Variants in PTPRO observed in about 807,000 individuals in gnomAD.
PTPRO encodes the protein protein tyrosine phosphatase receptor type O, also known as receptor-type tyrosine-protein phosphatase O.
Under a neutral mutation model 145.2 loss-of-function variants are expected in PTPRO, and 62 were observed. The observed-to-expected ratio is 0.43, with a 90% CI of 0.35 to 0.53. PTPRO has a LOEUF of 0.53. Among genes scored for constraint, PTPRO ranks in the 20% least tolerant of loss-of-function variants. The probability of loss-of-function intolerance (pLI) is 0.01; values close to 1 mark genes in which losing one functional copy is unlikely to be tolerated. For synonymous variants in PTPRO, 565 were observed against 514.7 expected, an observed-to-expected ratio of 1.10 and a Z score of -1.32; for missense variants, 1,345 against 1,482.7, an observed-to-expected ratio of 0.91 and a Z score of 1.53.
chr12:15,497,936 A>G (rs748064913), intron 3 of PTPRO, among the ~76,000 whole-genome samples: 10 of 152,180 alleles, frequency 6.6e-5, no homozygotes, highest in Non-Finnish European at 1.3e-4. Context: ...AGCCCAGGAG[A>G]AGTAATATTT....
At chr12:15,362,117 A>G (rs1938229547) in intron 1 of PTPRO, among the ~76,000 whole-genome samples, 1 of 152,196 alleles carries the variant, frequency 6.6e-6, no homozygotes, top group African/African-American at 2.4e-5. Flanking sequence ...GTTAGCACAA[A>G]CTAACCCATA....
intron 1 of PTPRO, among the ~76,000 whole-genome samples, chr12:15,441,721 A>G (rs1940771220): frequency 6.6e-6 from 1 of 152,158 alleles, no homozygotes; most frequent in South Asian, 2.1e-4. Context: ...ACCATTATGA[A>G]CCTCTCTACA....
intron 1 of PTPRO, among the ~76,000 whole-genome samples, chr12:15,381,751 G>C (rs991970861): frequency 2.0e-5 from 3 of 152,138 alleles, no homozygotes; most frequent in Admixed American, 6.5e-5. Flanking sequence ...TAGATTTAAT[G>C]TGTTTAATTC....
intron 12 of PTPRO, among the ~76,000 whole-genome samples, chr12:15,527,375 C>T (rs913917954): frequency 6.6e-6 from 1 of 152,202 alleles, no homozygotes; most frequent in Non-Finnish European, 1.5e-5. Context: ...CTATCTTGGG[C>T]TCCCTGGCAG....
At chr12:15,541,037 C>A (rs1225892031) in intron 12 of PTPRO, among the ~76,000 whole-genome samples, 1 of 152,162 alleles carries the variant, frequency 6.6e-6, no homozygotes, top group Non-Finnish European at 1.5e-5. Flanking sequence ...TATATCTATA[C>A]CTCATTTTAT....
chr12:15,420,695 A>G (rs565437683), intron 1 of PTPRO, among the ~76,000 whole-genome samples: 1 of 152,356 alleles, frequency 6.6e-6, no homozygotes, highest in Non-Finnish European at 1.5e-5. Context: ...TGGAGAGACA[A>G]TATAACATGG....
chr12:15,345,147 T>G (rs1367177275), intron 1 of PTPRO, among the ~76,000 whole-genome samples: 1 of 152,250 alleles, frequency 6.6e-6, no homozygotes, highest in African/African-American at 2.4e-5. Context: ...ATGTATACTT[T>G]AAAGTGTCAG....
At chr12:15,355,696 C>A (rs1355231655) in intron 1 of PTPRO, among the ~76,000 whole-genome samples, 1 of 152,158 alleles carries the variant, frequency 6.6e-6, no homozygotes, top group African/African-American at 2.4e-5. Flanking sequence ...ATGTGATATT[C>A]CTGTGTCTTC....
Position 15,340,135 on chromosome 12 carries a change from G to A in PTPRO, c.75+17334G>A, listed in dbSNP as rs980296978. On this transcript the variant is annotated intron_variant, in intron 1 of 26. Coordinates refer to ENST00000281171, the MANE Select transcript of PTPRO (RefSeq NM_030667.3). ...GGAACTTTATGTACATTATCTCATCGAATCCTTATACACTCCTATATATTA... is the reference window on the plus strand; with the variant it reads ...GGAACTTTATGTACATTATCTCATCAAATCCTTATACACTCCTATATATTA... 3.9e-5 allele frequency among the ~76,000 whole-genome samples: 6 copies of A among 152,160 alleles called. No individual in the cohort carries two copies. The East Asian group carries it at 9.7e-4, about 24-fold the overall frequency.
chr12:15,417,229 A>G (rs1940006404), intron 1 of PTPRO, among the ~76,000 whole-genome samples: 3 of 151,746 alleles, frequency 2.0e-5, no homozygotes, highest in Admixed American at 2.0e-4. Context: ...TAAACCCATC[A>G]TAAGTCAAAA....
rs1231351630 is a variant in PTPRO, at chr12:15,508,809, A to G, written c.1464+42A>G. The G allele has an allele frequency of 3.1e-6, 5 of 1,592,252 alleles. No individual in the cohort carries two copies. The East Asian group carries it at 9.0e-5, about 29-fold the overall frequency. ...GAGAATGGGCTCGCCGGTCCTTCCT[A>G]AGCACAACCTTACAGGGCAATGCCA... On this transcript the variant is annotated intron_variant, in intron 7 of 26. Coordinates refer to ENST00000281171, the MANE Select transcript of PTPRO (RefSeq NM_030667.3).
At chr12:15,558,687 C>A (rs893486321) in intron 16 of PTPRO, among the ~76,000 whole-genome samples, 1 of 152,112 alleles carries the variant, frequency 6.6e-6, no homozygotes, top group East Asian at 1.9e-4. Flanking sequence ...TTTACTAACT[C>A]CCTAAAATGG....
chr12:15,430,600 C>T (rs184726928), intron 1 of PTPRO, among the ~76,000 whole-genome samples: 102 of 152,036 alleles, frequency 6.7e-4, no homozygotes, highest in African/African-American at 2.1e-3. Flanking sequence ...GGGAGATGTC[C>T]GTCAAAGAAT....
intron 1 of PTPRO, among the ~76,000 whole-genome samples, chr12:15,400,418 A>T (rs997123618): frequency 2.0e-5 from 3 of 152,126 alleles, no homozygotes; most frequent in South Asian, 2.1e-4. Context: ...GCCTTTAGTC[A>T]ATCTCACCGT....
At chr12:15,406,846 C>G in intron 1 of PTPRO, among the ~76,000 whole-genome samples, 1 of 152,114 alleles carries the variant, frequency 6.6e-6, no homozygotes, top group East Asian at 1.9e-4. Context: ...TAAAAAACAA[C>G]AATACGAGAA....
chr12:15,424,198 T>C (rs903000280), intron 1 of PTPRO, among the ~76,000 whole-genome samples: 3 of 152,224 alleles, frequency 2.0e-5, no homozygotes, highest in African/African-American at 7.2e-5. Flanking sequence ...ACATAGAGTG[T>C]ATTCTATTTT....
chr12:15,557,407 A>T, intron 15 of PTPRO, 48 bp from the exon 16 acceptor site: 1 of 1,488,938 alleles, frequency 6.7e-7, no homozygotes, highest in Non-Finnish European at 9.4e-7. Flanking sequence ...TCAACGTAAG[A>T]ATGCTTTGTC....
At chr12:15,423,818 T>C (rs549843615) in intron 1 of PTPRO, among the ~76,000 whole-genome samples, 1 of 152,338 alleles carries the variant, frequency 6.6e-6, no homozygotes, top group African/African-American at 2.4e-5. Flanking sequence ...ATTACTTCCC[T>C]ACTCCACTTA....
At chr12:15,416,803 C>T (rs1322124138) in intron 1 of PTPRO, among the ~76,000 whole-genome samples, 2 of 150,058 alleles carry the variant, frequency 1.3e-5, no homozygotes, top group African/African-American at 5.0e-5. Flanking sequence ...AAGCTATAAA[C>T]AACTACACTT....
Sources: gnomAD v4.1 joint callset for allele counts (sites outside exome capture counted in the v4.1 genomes callset) on GRCh38, gnomAD v4.1.1 for gene constraint, MANE v1.5 for transcripts, NCBI Gene and HGNC (gene_info 2026-07-23, HGNC 2026-07-21) for gene names.